GFRA1: variants seen among roughly 807,000 people sequenced by gnomAD.
The protein encoded by GFRA1 is GDNF family receptor alpha-1.
In GFRA1, 16 loss-of-function variants were observed where a neutral mutation model predicts 51.6. The ratio of observed to expected loss-of-function variants is 0.31; its 90% CI spans 0.21 to 0.47. The LOEUF (loss-of-function observed/expected upper bound fraction) is 0.47, where lower values mean the gene tolerates loss of function less well. GFRA1 is among the 20% of genes least tolerant of loss of function. GFRA1 has a pLI of 1.00. For synonymous variants in GFRA1, 270 were observed against 241.3 expected (o/e 1.12, Z -1.10); for missense variants, 530 against 594.3 (o/e 0.89, Z 1.13).
At chr10:116,216,571 T>A (rs4384313) in intron 4 of GFRA1, among the ~76,000 whole-genome samples, 59,813 of 151,866 alleles carry the variant, frequency 0.39, 13,254 homozygotes, top group African/African-American at 0.61. Flanking sequence ...AAACTGGGGG[T>A]GGTAAAGTTA....
intron 5 of GFRA1, among the ~76,000 whole-genome samples, chr10:116,208,235 A>T (rs1964929952): frequency 6.6e-6 from 1 of 151,044 alleles, no homozygotes; most frequent in African/African-American, 2.4e-5. Flanking sequence ...TTCTCTGGCC[A>T]CTCCTTCTGC....
rs143285805 is a variant in GFRA1 at position 116,089,768 on chromosome 10, A to G, written c.1170T>C (p.His390=). 9.5e-5 allele frequency: 154 copies of G among 1,614,152 alleles called. No individual in the cohort carries two copies. The highest frequency in any genetic ancestry group is 1.8e-4 in the Admixed American group (11 of 60,018). The change falls in exon 9 of 11, where the codon CAT becomes CAC. Residue 390 remains histidine (H), a synonymous_variant. Coordinates refer to ENST00000355422, the MANE Select transcript of GFRA1 (RefSeq NM_005264.8). ...GTAAATTTGCACACGGTGGCAAAAC[A>G]TGAGTGGGAATTTCATTCTCAGACC... ...PAGSENEIPT[H]VLPPCANLQA...
chr10:116,271,970 C>T lies in GFRA1; in HGVS notation c.40+20G>A. On this transcript the variant is annotated intron_variant, in intron 2 of 10. Coordinates refer to ENST00000355422, the MANE Select transcript of GFRA1 (RefSeq NM_005264.8). ...GAAAGACTCAGAGGGTAAGAAAGCC[C>T]GCGGCGGGCCTCGACTTACCCAAGA... is the stretch of plus-strand genomic sequence containing the variant. 6.5e-7 allele frequency: 1 copy of T among 1,549,338 alleles called. No homozygotes were observed. Among genetic ancestry groups the T allele is most frequent in the African/African-American group, 1.4e-5 (1 of 73,182 alleles).
At chr10:116,257,775 A>G (rs1306129473) in intron 4 of GFRA1, among the ~76,000 whole-genome samples, 1 of 152,208 alleles carries the variant, frequency 6.6e-6, no homozygotes, top group Non-Finnish European at 1.5e-5. Context: ...CAATGCTGAG[A>G]CAAATTAGCC....
intron 6 of GFRA1, among the ~76,000 whole-genome samples, chr10:116,097,473 T>C (rs2250040): frequency 0.22 from 33,576 of 151,994 alleles, 3,922 homozygotes; most frequent in Non-Finnish European, 0.26. Flanking sequence ...CAGGGGCCGG[T>C]GCAGTCCACC....
At chr10:116,152,320 A>G (rs4545453) in intron 5 of GFRA1, among the ~76,000 whole-genome samples, 149,787 of 152,310 alleles carry the variant, frequency 0.98, 73,697 homozygotes, top group East Asian at 1. Context: ...CCGTCTTCAC[A>G]ACCTTTTAGA....
At chr10:116,235,827 G>A (rs1382032762) in intron 4 of GFRA1, among the ~76,000 whole-genome samples, 1 of 152,130 alleles carries the variant, frequency 6.6e-6, no homozygotes, top group Non-Finnish European at 1.5e-5. Context: ...ATGAAGAAGA[G>A]GTCATGTGAG....
intron 4 of GFRA1, among the ~76,000 whole-genome samples, chr10:116,268,431 C>T (rs574502395): frequency 6.6e-6 from 1 of 152,152 alleles, no homozygotes; most frequent in South Asian, 2.1e-4. Flanking sequence ...TTCATGAAGG[C>T]AAGGTGATGA....
chr10:116,088,778 A>G (rs1037790422), intron 9 of GFRA1, among the ~76,000 whole-genome samples: 2 of 151,946 alleles, frequency 1.3e-5, no homozygotes, highest in African/African-American at 2.4e-5. Flanking sequence ...AAAATTAGCC[A>G]GGCGTGGTGG....
chr10:116,195,450 A>T (rs2251648), intron 5 of GFRA1, among the ~76,000 whole-genome samples: 81,136 of 152,004 alleles, frequency 0.53, 22,092 homozygotes, highest in Middle Eastern at 0.66. Context: ...TTAAGGATGA[A>T]ACTATTCCAC....
intron 9 of GFRA1, among the ~76,000 whole-genome samples, chr10:116,076,430 A>G (rs1955621059): frequency 6.6e-6 from 1 of 152,102 alleles, no homozygotes; most frequent in South Asian, 2.1e-4. Context: ...GAACTGAATG[A>G]GAAACAAAAA....
intron 6 of GFRA1, among the ~76,000 whole-genome samples, chr10:116,104,659 C>T (rs1325538531): frequency 1.3e-5 from 2 of 152,172 alleles, no homozygotes; most frequent in African/African-American, 4.8e-5. Flanking sequence ...ACTGCAGTAG[C>T]CCCCCGAGGG....
chr10:116,235,828 G>A (rs1966862608), intron 4 of GFRA1, among the ~76,000 whole-genome samples: 1 of 152,162 alleles, frequency 6.6e-6, no homozygotes, highest in Non-Finnish European at 1.5e-5. Context: ...TGAAGAAGAG[G>A]TCATGTGAGC....
chr10:116,248,970 C>T (rs922215308), intron 4 of GFRA1, among the ~76,000 whole-genome samples: 5 of 152,084 alleles, frequency 3.3e-5, no homozygotes, highest in African/African-American at 1.2e-4. Flanking sequence ...TGCCACATGG[C>T]CCCACTCCTT....
At chr10:116,251,262 T>C (rs1968329973) in intron 4 of GFRA1, among the ~76,000 whole-genome samples, 1 of 152,152 alleles carries the variant, frequency 6.6e-6, no homozygotes, top group Non-Finnish European at 1.5e-5. Flanking sequence ...TCAGTAGACA[T>C]TTGTTGATGG....
chr10:116,203,777 A>G (rs1045782773), intron 5 of GFRA1, among the ~76,000 whole-genome samples: 4 of 152,238 alleles, frequency 2.6e-5, no homozygotes, highest in African/African-American at 9.6e-5. Flanking sequence ...TTAAGCATTC[A>G]ATCAATTAGG....
In GFRA1 at chr10:116,089,691, C is replaced by T. The variant is rs376605649; in HGVS notation, c.1197+50G>A. ...GAAAATGGGTCTGCCCGTGTTTCAC[C>T]CCCCCACCAGGAAGGGAGCCCCAGC... is the stretch of plus-strand genomic sequence containing the variant. On this transcript the variant is annotated intron_variant, in intron 9 of 10. Coordinates refer to ENST00000355422, the MANE Select transcript of GFRA1 (RefSeq NM_005264.8). 1.1e-4 allele frequency: 163 copies of T among 1,490,616 alleles called. 2 individuals are homozygous for T. In the South Asian group the frequency reaches 1.6e-3, roughly 15 times the overall value. The allele number at this position is 1,490,616 out of a possible 1,614,324, so 92.3% of individuals were successfully genotyped here.
chr10:116,186,608 A>G (rs1962746359), intron 5 of GFRA1, among the ~76,000 whole-genome samples: 1 of 150,358 alleles, frequency 6.7e-6, no homozygotes, highest in African/African-American at 2.4e-5. Context: ...TTTAAATGCC[A>G]TACTGTTTCC....
intron 5 of GFRA1, among the ~76,000 whole-genome samples, chr10:116,131,712 T>G (rs1001214571): frequency 6.6e-6 from 1 of 152,150 alleles, no homozygotes; most frequent in African/African-American, 2.4e-5. Flanking sequence ...AATTTATGAT[T>G]TTTAAAATAT....
Sources: gnomAD v4.1 joint callset for allele counts (sites outside exome capture counted in the v4.1 genomes callset) on GRCh38, gnomAD v4.1.1 for gene constraint, MANE v1.5 for transcripts, NCBI Gene and HGNC (gene_info 2026-07-23, HGNC 2026-07-21) for gene names.